ALMS1: variants seen among roughly 807,000 people sequenced by gnomAD.
ALMS1 encodes the protein centrosome-associated protein ALMS1.
A neutral mutation model predicts 352.2 loss-of-function variants in ALMS1; 271 were observed. That is an observed-to-expected ratio of 0.77 (90% CI 0.70 to 0.85). ALMS1 has a LOEUF of 0.85. ALMS1 is among the 40% of genes least tolerant of loss of function. The probability of loss-of-function intolerance (pLI) is 0.00; values close to 1 mark genes in which losing one functional copy is unlikely to be tolerated. For missense variants in ALMS1, 5,445 were observed against 4,870.7 expected (o/e 1.12, Z -3.51); for synonymous variants, 1,865 against 1,761.2 (o/e 1.06, Z -1.48).
chr2:73,433,520 A>G (rs1180628821), intron 7 of ALMS1, among the ~76,000 whole-genome samples: 2 of 152,172 alleles, frequency 1.3e-5, no homozygotes, highest in African/African-American at 4.8e-5. Flanking sequence ...GATTTAAATG[A>G]GGATCAGTTT....
chr2:73,594,386 G>A (rs191831644), intron 16 of ALMS1, among the ~76,000 whole-genome samples: 5 of 152,298 alleles, frequency 3.3e-5, no homozygotes, highest in East Asian at 1.9e-4. Flanking sequence ...AAATGAAAAC[G>A]GAAACATTCC....
At chr2:73,463,151 T>TA (rs1206918006) in intron 9 of ALMS1, among the ~76,000 whole-genome samples, 1 of 152,090 alleles carries the variant, frequency 6.6e-6, no homozygotes, top group Non-Finnish European at 1.5e-5. Context: ...CAACAGAACA[T>TA]ACATTTTTCT....
chr2:73,474,407 G>A (rs1728535), intron 9 of ALMS1, among the ~76,000 whole-genome samples: 1 of 37,472 alleles, frequency 2.7e-5, no homozygotes, highest in Admixed American at 4.0e-4. Context: ...GTGTGTGTGT[G>A]TGTCTATTGG....
chr2:73,496,259 C>G (rs1558669599), intron 10 of ALMS1, among the ~76,000 whole-genome samples: 1 of 152,290 alleles, frequency 6.6e-6, no homozygotes, highest in South Asian at 2.1e-4. Context: ...TCCTCTGATC[C>G]CTCACCCCTG....
chr2:73,452,127 A>T lies in ALMS1; in HGVS notation c.5600A>T (p.Asp1867Val). The change falls in exon 8 of 23, where the codon GAT becomes GTT. Residue 1867 changes from aspartate (D) to valine (V), a missense_variant. Asp to Val is a radical substitution (Grantham distance 152). Transcript: ENST00000613296. ...ATTTCTTATGAGCAGGAGTTGCCAG[A>T]TCTTACTGAAGTAACTTTGAAAGCA... ...SVISYEQELP[D>V]LTEVTLKAIG... The T allele has an allele frequency of 6.2e-7, 1 of 1,609,102 alleles. No homozygotes were observed.
chr2:73,478,006 T>A (rs1233411888), intron 9 of ALMS1, among the ~76,000 whole-genome samples: 1 of 152,206 alleles, frequency 6.6e-6, no homozygotes, highest in South Asian at 2.1e-4. Context: ...TGATACTGAA[T>A]AGAAGAGGTA....
In ALMS1 at chr2:73,573,244, G is replaced by T; in HGVS notation, c.11367G>T (p.Arg3789=). The change falls in exon 16 of 23, where the codon CGG becomes CGT. Residue 3789 remains arginine, a synonymous_variant. Transcript: ENST00000613296. Reference sequence around the variant, plus strand: ...CTGTTTCCACTATTGACACTGCCCGGCTGATTCAAGCTTTTGGCCATGAAA... The same window carrying T: ...CTGTTTCCACTATTGACACTGCCCGTCTGATTCAAGCTTTTGGCCATGAAA... ...SSSVSTIDTA[R]LIQAFGHERV... 6.2e-7 allele frequency: 1 copy of T among 1,613,636 alleles called. No individual in the cohort carries two copies. The highest frequency in any genetic ancestry group is 8.5e-7 in the Non-Finnish European group (1 of 1,179,656).
chr2:73,493,811 TTTAGAC>T (rs1033575285), intron 10 of ALMS1, among the ~76,000 whole-genome samples: 10 of 152,224 alleles, frequency 6.6e-5, no homozygotes, highest in Non-Finnish European at 1.0e-4. Context: ...TTGAGATAAT[TTTAGAC>T]TTAGGAGTTG....
At chr2:73,609,070 C>T (rs773017681) in intron 22 of ALMS1, among the ~76,000 whole-genome samples, 35 of 152,262 alleles carry the variant, frequency 2.3e-4, no homozygotes, top group Non-Finnish European at 4.6e-4. Flanking sequence ...CCAAGAACCT[C>T]ACGGGGCAGG....
intron 1 of ALMS1, among the ~76,000 whole-genome samples, chr2:73,399,466 C>A (rs2103652793): frequency 6.6e-6 from 1 of 152,080 alleles, no homozygotes; most frequent in Admixed American, 6.6e-5. Context: ...GGGCAGGCGT[C>A]TCACATGGCG....
chr2:73,421,521 C>G (rs771877370), intron 3 of ALMS1, among the ~76,000 whole-genome samples: 7 of 152,074 alleles, frequency 4.6e-5, no homozygotes, highest in Non-Finnish European at 7.4e-5. Context: ...TCCTTGGTGG[C>G]AAAGGTTATT....
chr2:73,385,868 C>A lies in ALMS1; in HGVS notation c.-1C>A. Reference sequence around the variant, plus strand: ...TCTGCCGCCCAGAGCGAGACACCAACATGGAGCCCGAGGATCTGCCATGGC... The same window carrying A: ...TCTGCCGCCCAGAGCGAGACACCAAAATGGAGCCCGAGGATCTGCCATGGC... On this transcript the variant is annotated 5_prime_UTR_variant, in exon 1 of 23. Transcript: ENST00000613296. 1 of 750,294 alleles carries A rather than the reference C, an allele frequency of 1.3e-6. No homozygotes were observed. The highest frequency in any genetic ancestry group is 2.3e-6 in the Non-Finnish European group (1 of 426,766). The allele number at this position is 750,294 out of a possible 1,614,324, so 46.5% of individuals were successfully genotyped here. A position where few individuals can be genotyped will look rare whatever the true frequency, so the allele number is the denominator to read the frequency against.
chr2:73,498,121 C>A (rs925059135), intron 10 of ALMS1, among the ~76,000 whole-genome samples: 7 of 151,974 alleles, frequency 4.6e-5, no homozygotes, highest in African/African-American at 9.7e-5. Context: ...TTTAAAAATT[C>A]TTTATTGTTT....
rs747283626 is a variant in ALMS1 at position 73,572,361 on chromosome 2, A to T, written c.10484A>T (p.Asp3495Val). The change falls in exon 16 of 23, where the codon GAT (aspartate) becomes GTT (valine). Residue 3495 changes from aspartate to valine, a missense_variant. Coordinates refer to ENST00000613296, the MANE Select transcript of ALMS1 (RefSeq NM_001378454.1). ...CCCGTACACCTACCAAGTGATCAAG[A>T]TATTTGCCATGAATCTTTGGGAAAG... is the stretch of plus-strand genomic sequence containing the variant. ...HHPVHLPSDQ[D>V]ICHESLGKSV... 9 of 1,609,192 alleles carry T rather than the reference A, an allele frequency of 5.6e-6. No homozygotes were observed. The South Asian group carries it at 6.7e-5, about 12-fold the overall frequency.
chr2:73,404,090 G>A (rs2103664277), intron 1 of ALMS1, among the ~76,000 whole-genome samples: 1 of 152,212 alleles, frequency 6.6e-6, no homozygotes, highest in Middle Eastern at 3.4e-3. Flanking sequence ...CAGAGATGGG[G>A]TTTCACCATT....
intron 11 of ALMS1, among the ~76,000 whole-genome samples, chr2:73,529,175 C>T (rs1294572876): frequency 6.6e-6 from 1 of 151,590 alleles, no homozygotes; most frequent in Admixed American, 6.6e-5. Context: ...TCCCGAGTAG[C>T]TGGAACTACA....
At chr2:73,476,000 T>C (rs1672576323) in intron 9 of ALMS1, among the ~76,000 whole-genome samples, 1 of 152,048 alleles carries the variant, frequency 6.6e-6, no homozygotes, top group Non-Finnish European at 1.5e-5. Flanking sequence ...TATAGCTTTT[T>C]AAATCTTGTA....
At chr2:73,423,016 T>A in intron 4 of ALMS1, 42 bp downstream of exon 4, 1 of 1,524,696 alleles carries the variant, frequency 6.6e-7, no homozygotes, top group South Asian at 1.1e-5. Flanking sequence ...CACTTCTTGT[T>A]CTATGTTTTT....
In ALMS1 at chr2:73,550,251, C is replaced by A; in HGVS notation, c.9908-16C>A. ...TCGCTATTTGTGTTTTGTATTACTT[C>A]CCCGTTTTTCTGTAGGATCCAATGA... On this transcript the variant is annotated splice_polypyrimidine_tract_variant and intron_variant, in intron 12 of 22. Transcript: ENST00000613296. 1 of 1,613,652 alleles carries A rather than the reference C, an allele frequency of 6.2e-7. No homozygotes were observed. Among genetic ancestry groups the A allele is most frequent in the South Asian group, 1.1e-5 (1 of 91,012 alleles).
Sources: gnomAD v4.1 joint callset for allele counts (sites outside exome capture counted in the v4.1 genomes callset) on GRCh38, gnomAD v4.1.1 for gene constraint, MANE v1.5 for transcripts, NCBI Gene and HGNC (gene_info 2026-07-23, HGNC 2026-07-21) for gene names.